PCDHGA1: variants seen among roughly 807,000 people sequenced by gnomAD.
The protein encoded by PCDHGA1 is protocadherin gamma-A1.
A neutral mutation model predicts 58.0 loss-of-function variants in PCDHGA1; 32 were observed. The ratio of observed to expected loss-of-function variants is 0.55; its 90% CI spans 0.42 to 0.74. The LOEUF is 0.74. Ranked by LOEUF, PCDHGA1 falls within the 30% of genes least tolerant of loss-of-function variation. The pLI is 0.00. For synonymous variants in PCDHGA1, 498 were observed against 501.1 expected, an observed-to-expected ratio of 0.99 and a Z score of 0.08; for missense variants, 1,205 against 1,182.3, an observed-to-expected ratio of 1.02 and a Z score of -0.28.
At chr5:141,435,954 G>A (rs1163590812) in intron 1 of PCDHGA1, among the ~76,000 whole-genome samples, 2 of 152,092 alleles carry the variant, frequency 1.3e-5, no homozygotes, top group African/African-American at 2.4e-5. Flanking sequence ...AAAAAAGGGG[G>A]CAAAATATAG....
Position 141,410,300 on chromosome 5 carries a change from T to A in PCDHGA1, c.2421+77195T>A, listed in dbSNP as rs1233506038. 4 of 1,614,022 alleles carry A rather than the reference T, an allele frequency of 2.5e-6. No individual in the cohort carries two copies. In the Admixed American group the frequency reaches 6.7e-5, roughly 27 times the overall value. ...CCTGGTGGTGGCCTTGGCCTTAATC[T>A]CAGTGCTCTTCCTCCTCGCCGTGAT... On this transcript the variant is annotated intron_variant, in intron 1 of 3. Coordinates refer to ENST00000517417, the MANE Select transcript of PCDHGA1 (RefSeq NM_018912.3).
Position 141,412,258 on chromosome 5 carries a change from C to T in PCDHGA1, c.2421+79153C>T, listed in dbSNP as rs569698099. 5.8e-4 allele frequency: 88 copies of T among 152,314 alleles called. 1 individual carries two copies. The highest frequency in any genetic ancestry group is 2.0e-3 in the African/African-American group (83 of 41,568). 9.4% of individuals were successfully genotyped at this position (152,314 alleles called of 1,614,324 possible). On this transcript the variant is annotated intron_variant, in intron 1 of 3. Transcript: ENST00000517417. Reference sequence around the variant, plus strand: ...ATATCACTACATCTAACTTTGTTTTCTAAAACTTTTAGTACTTCAAATTCT... The same window carrying T: ...ATATCACTACATCTAACTTTGTTTTTTAAAACTTTTAGTACTTCAAATTCT...
At chr5:141,376,368 A>C in intron 1 of PCDHGA1, 1 of 1,613,920 alleles carries the variant, frequency 6.2e-7, no homozygotes, top group Non-Finnish European at 8.5e-7. Flanking sequence ...CTCACTGCAG[A>C]CTCGCGTAAG....
At chr5:141,381,992 G>A (rs553767265) in intron 1 of PCDHGA1, among the ~76,000 whole-genome samples, 50 of 151,748 alleles carry the variant, frequency 3.3e-4, no homozygotes, top group African/African-American at 1.1e-3. Context: ...ACCACGCCCG[G>A]ATAATTTTGT....
Position 141,403,717 on chromosome 5 carries a change from G to A in PCDHGA1, c.2421+70612G>A, listed in dbSNP as rs1561689674. On this transcript the variant is annotated intron_variant, in intron 1 of 3. Transcript: ENST00000517417. Reference sequence around the variant, plus strand: ...ACCGAGTTAAAGTCCTTGAGAACGTGCCCCCAGGCACCTGGCTGCTTACTG... The same window carrying A: ...ACCGAGTTAAAGTCCTTGAGAACGTACCCCCAGGCACCTGGCTGCTTACTG... 3 of 1,613,936 alleles carry A rather than the reference G, an allele frequency of 1.9e-6. No homozygotes were observed. In the South Asian group the frequency reaches 3.3e-5, roughly 18 times the overall value.
At chr5:141,345,105 G>C (rs1202100936) in intron 1 of PCDHGA1, 3 of 1,614,016 alleles carry the variant, frequency 1.9e-6, no homozygotes, top group East Asian at 2.2e-5. Context: ...CTCAGTCCCA[G>C]AAGAGGGCAC....
intron 2 of PCDHGA1, 114 bp from the exon 3 acceptor site, chr5:141,505,279 C>A (rs780513022): frequency 1.3e-6 from 2 of 1,541,274 alleles, no homozygotes; most frequent in Non-Finnish European, 1.7e-6. Flanking sequence ...AGAAACAGGT[C>A]TTGGGCATGG....
At position 141,487,398 on chromosome 5, in the gene PCDHGA1, G is replaced by A. The variant is rs1342197934; in HGVS notation, c.2422-7409G>A. 1.9e-6 allele frequency: 3 copies of A among 1,613,926 alleles called. No individual in the cohort carries two copies. The African/African-American group carries it at 4.0e-5, about 22-fold the overall frequency. ...CTCACCAGATCTCGAAGGAGGGAGGGGCTTCCCCCTTCCAATGGGATCCTC... is the reference window on the plus strand; with the variant it reads ...CTCACCAGATCTCGAAGGAGGGAGGAGCTTCCCCCTTCCAATGGGATCCTC... On this transcript the variant is annotated intron_variant, in intron 1 of 3. Transcript: ENST00000517417. The surrounding 1 kb of genome is among the most constrained non-coding windows in gnomAD (Gnocchi z 5.0).
chr5:141,405,345 A>C (rs758657243), intron 1 of PCDHGA1: 2 of 1,613,944 alleles, frequency 1.2e-6, no homozygotes, highest in Middle Eastern at 1.6e-4. Context: ...GTTGATTCCA[A>C]GTTTCCTATA....
At chr5:141,341,109 C>A (rs763629957) in intron 1 of PCDHGA1, 11 of 1,614,088 alleles carry the variant, frequency 6.8e-6, no homozygotes, top group South Asian at 4.4e-5. Context: ...GTGTTGCTGG[C>A]GCACAGGCTG....
At chr5:141,409,798 G>T (rs2095317053) in intron 1 of PCDHGA1, 1 of 1,611,672 alleles carries the variant, frequency 6.2e-7, no homozygotes, top group South Asian at 1.1e-5. Context: ...CGCTCACGCT[G>T]CAGGCCCGCG....
intron 1 of PCDHGA1, chr5:141,344,251 A>G: frequency 6.2e-7 from 1 of 1,614,062 alleles, no homozygotes; most frequent in Non-Finnish European, 8.5e-7. Context: ...GGTAGGACGC[A>G]GCTTTTCTCT....
chr5:141,353,381 T>C (rs1759264940), intron 1 of PCDHGA1, among the ~76,000 whole-genome samples: 1 of 152,234 alleles, frequency 6.6e-6, no homozygotes, highest in Non-Finnish European at 1.5e-5. Context: ...TATGTATTAA[T>C]GTAATTATGT....
Position 141,431,877 on chromosome 5 carries a change from A to G in PCDHGA1, c.2422-62930A>G. On this transcript the variant is annotated intron_variant, in intron 1 of 3. Coordinates refer to ENST00000517417, the MANE Select transcript of PCDHGA1 (RefSeq NM_018912.3). The surrounding 1 kb of genome is among the most constrained non-coding windows in gnomAD (Gnocchi z 4.8). ...TTAATTGCCCTTTTAAATGTAAATG[A>G]CCAAGATTCTGAGGAAAACGGACAG... is the stretch of plus-strand genomic sequence containing the variant. 8 of 1,614,230 alleles carry G rather than the reference A, an allele frequency of 5.0e-6. No individual in the cohort carries two copies. Among genetic ancestry groups the G allele is most frequent in the Non-Finnish European group, 6.8e-6 (8 of 1,180,016 alleles).
At chr5:141,452,016 A>G (rs988436326) in intron 1 of PCDHGA1, among the ~76,000 whole-genome samples, 5 of 152,084 alleles carry the variant, frequency 3.3e-5, no homozygotes, top group Non-Finnish European at 5.9e-5. Flanking sequence ...TCCAGCCCAC[A>G]CTCTGGGGAG....
intron 1 of PCDHGA1, chr5:141,376,294 C>T (rs572453488): frequency 9.9e-6 from 16 of 1,614,226 alleles, no homozygotes; most frequent in East Asian, 2.2e-5. Context: ...GCATGCCCGG[C>T]TCGCACTTTG....
chr5:141,449,073 T>C (rs889880816), intron 1 of PCDHGA1, among the ~76,000 whole-genome samples: 1 of 152,246 alleles, frequency 6.6e-6, no homozygotes, highest in African/African-American at 2.4e-5. Flanking sequence ...TGAATAGCCC[T>C]GTACCTACAT....
At chr5:141,404,408 A>C (rs2154535328) in intron 1 of PCDHGA1, 1 of 1,613,900 alleles carries the variant, frequency 6.2e-7, no homozygotes, top group East Asian at 2.2e-5. Flanking sequence ...TGAGAATTCT[A>C]GAGTTATTTA....
At chr5:141,423,940 G>T in intron 1 of PCDHGA1, 1 of 1,217,216 alleles carries the variant, frequency 8.2e-7, no homozygotes, top group Non-Finnish European at 1.0e-6. Context: ...TTTGAAGTAA[G>T]TTGAATTTTA....
Sources: allele counts gnomAD v4.1 joint callset (sites outside exome capture counted in the v4.1 genomes callset), GRCh38; gene constraint gnomAD v4.1.1; non-coding constraint Gnocchi (gnomAD v3.1); transcripts MANE v1.5; gene names NCBI Gene and HGNC (gene_info 2026-07-23, HGNC 2026-07-21).